Variants in THSD7B observed in about 807,000 individuals in gnomAD.
THSD7B encodes thrombospondin type 1 domain containing 7B.
THSD7B carries 138 observed loss-of-function variants against 213.6 expected under a neutral mutation model. That is an observed-to-expected ratio of 0.65 (90% CI 0.56 to 0.74). THSD7B has a LOEUF of 0.74. THSD7B is among the 30% of genes least tolerant of loss of function. The pLI, the probability that THSD7B is intolerant of heterozygous loss-of-function variation, is 0.00. For missense variants in THSD7B, 1,931 were observed against 1,991.5 expected, an observed-to-expected ratio of 0.97 and a Z score of 0.58; for synonymous variants, 742 against 687.0, an observed-to-expected ratio of 1.08 and a Z score of -1.25.
chr2:136,784,839 T>C (rs536275366), intron 1 of THSD7B, among the ~76,000 whole-genome samples: 1 of 152,318 alleles, frequency 6.6e-6, no homozygotes, highest in African/African-American at 2.4e-5. Context: ...TACTAGCTAC[T>C]ACCAATATTT....
At chr2:137,040,942 C>G (rs1162462125) in intron 2 of THSD7B, among the ~76,000 whole-genome samples, 1 of 152,174 alleles carries the variant, frequency 6.6e-6, no homozygotes, top group Non-Finnish European at 1.5e-5. Context: ...CAAACTAATT[C>G]TCTGAAATCA....
intron 2 of THSD7B, among the ~76,000 whole-genome samples, chr2:137,010,274 T>G (rs1686203852): frequency 6.6e-6 from 1 of 152,230 alleles, no homozygotes; most frequent in Non-Finnish European, 1.5e-5. Context: ...CTACTTCAGT[T>G]ATGTGTGTAT....
chr2:136,807,454 C>A (rs1306542117), intron 1 of THSD7B, among the ~76,000 whole-genome samples: 2 of 147,566 alleles, frequency 1.4e-5, no homozygotes, highest in African/African-American at 2.5e-5. Flanking sequence ...TTTGACATAC[C>A]CTTATCATTT....
At chr2:136,824,511 T>C (rs1682611508) in intron 1 of THSD7B, among the ~76,000 whole-genome samples, 3 of 152,198 alleles carry the variant, frequency 2.0e-5, no homozygotes, top group African/African-American at 7.2e-5. Flanking sequence ...CAAATCATTT[T>C]GTGTGGCTGA....
At chr2:137,301,526 G>A (rs996988307) in intron 12 of THSD7B, among the ~76,000 whole-genome samples, 2 of 152,088 alleles carry the variant, frequency 1.3e-5, no homozygotes, top group Admixed American at 6.5e-5. Context: ...TGAATCAGGA[G>A]AGGAGGACAG....
intron 10 of THSD7B, among the ~76,000 whole-genome samples, chr2:137,271,581 C>T (rs1274191527): frequency 1.3e-5 from 2 of 150,812 alleles, no homozygotes; most frequent in Non-Finnish European, 2.9e-5. Context: ...CATGATCCCT[C>T]TTCGGTTGCC....
At chr2:137,657,820 T>C (rs1267825468) in intron 24 of THSD7B, among the ~76,000 whole-genome samples, 1 of 152,198 alleles carries the variant, frequency 6.6e-6, no homozygotes, top group Non-Finnish European at 1.5e-5. Context: ...GTTTGAGTGA[T>C]TCTCTTGTCT....
At chr2:137,579,187 T>C (rs1379938646) in intron 17 of THSD7B, among the ~76,000 whole-genome samples, 2 of 152,176 alleles carry the variant, frequency 1.3e-5, no homozygotes, top group African/African-American at 2.4e-5. Flanking sequence ...GTGCCCATTG[T>C]AGAGATTTTC....
chr2:137,124,674 T>C (rs1436953918), intron 5 of THSD7B, among the ~76,000 whole-genome samples: 1 of 152,174 alleles, frequency 6.6e-6, no homozygotes, highest in Non-Finnish European at 1.5e-5. Flanking sequence ...GAATATATAA[T>C]TGTAGTTCAT....
chr2:137,423,610 T>C lies in THSD7B; in HGVS notation c.2959+11738T>C, dbSNP rs187845603. ...GAAACTTATTATACTCTGAAAACTT[T>C]ATTTATTATACGCTATAAAACATTG... On this transcript the variant is annotated intron_variant, in intron 14 of 27. Coordinates refer to ENST00000409968, the MANE Select transcript of THSD7B (RefSeq NM_001316349.2). Among the ~76,000 whole-genome samples the C allele has an allele frequency of 2.3e-3, 351 of 152,222 alleles. 1 individual carries two copies. Among genetic ancestry groups the C allele is most frequent in the African/African-American group, 7.6e-3 (316 of 41,558 alleles).
chr2:136,849,622 C>A (rs1683064526), intron 1 of THSD7B, among the ~76,000 whole-genome samples: 1 of 152,046 alleles, frequency 6.6e-6, no homozygotes, highest in South Asian at 2.1e-4. Flanking sequence ...TGATATATAT[C>A]CATTAGTGCA....
rs376113321 is a variant in THSD7B, at chr2:137,056,412, G to A, written c.140-8G>A. 6.3e-7 allele frequency: 1 copy of A among 1,595,636 alleles called. No homozygotes were observed. Among genetic ancestry groups the A allele is most frequent in the African/African-American group, 1.3e-5 (1 of 74,238 alleles). ...GAGTAATTAACATCCTTGTTTTTCT[G>A]CCTGTAGGTCCGTGGGGAAGGTGTA... is the stretch of plus-strand genomic sequence containing the variant. On this transcript the variant is annotated splice_polypyrimidine_tract_variant and splice_region_variant and intron_variant, in intron 2 of 27. Transcript: ENST00000409968.
chr2:137,286,522 C>G lies in THSD7B; in HGVS notation c.2500+10496C>G, dbSNP rs1008114313. Among the ~76,000 whole-genome samples, 4 of 152,120 alleles carry G rather than the reference C, an allele frequency of 2.6e-5. No homozygotes were observed. In the South Asian group the frequency reaches 6.3e-4, roughly 24 times the overall value. On this transcript the variant is annotated intron_variant, in intron 12 of 27. Transcript: ENST00000409968. ...ACTTTCATTCTCCGAATGGAAGACA[C>G]CATAGTCACTTAACGTTTGAGCTGC...
intron 2 of THSD7B, among the ~76,000 whole-genome samples, chr2:137,014,285 C>T (rs1686292350): frequency 6.6e-6 from 1 of 152,216 alleles, no homozygotes; most frequent in Non-Finnish European, 1.5e-5. Flanking sequence ...TCTGCAACTA[C>T]TCACATGGTT....
chr2:137,001,228 T>C (rs1685992346), intron 2 of THSD7B, among the ~76,000 whole-genome samples: 1 of 152,128 alleles, frequency 6.6e-6, no homozygotes, highest in Admixed American at 6.6e-5. Context: ...ACTGATGAGT[T>C]TTCTTTGCCC....
At chr2:137,528,302 A>ACTT (rs1680317629) in intron 15 of THSD7B, among the ~76,000 whole-genome samples, 1 of 151,972 alleles carries the variant, frequency 6.6e-6, no homozygotes. Context: ...TTTAATTTCC[A>ACTT]CTTCTATCAT....
chr2:137,085,786 T>G (rs910371224), intron 3 of THSD7B, among the ~76,000 whole-genome samples: 2 of 152,038 alleles, frequency 1.3e-5, no homozygotes, highest in Non-Finnish European at 2.9e-5. Context: ...GCATTGGGAT[T>G]GAGGAAAAAA....
chr2:136,987,151 C>T (rs566980084), intron 2 of THSD7B, among the ~76,000 whole-genome samples: 2 of 152,210 alleles, frequency 1.3e-5, no homozygotes, highest in Admixed American at 6.5e-5. Flanking sequence ...TTCAATATGT[C>T]GCATATCTAG....
At chr2:137,582,509 G>A (rs1681604552) in intron 17 of THSD7B, among the ~76,000 whole-genome samples, 3 of 98,866 alleles carry the variant, frequency 3.0e-5, no homozygotes, top group Admixed American at 3.1e-4. Flanking sequence ...CCCAAGACAG[G>A]CCCTGGTATG....
Sources: allele counts gnomAD v4.1 joint callset (sites outside exome capture counted in the v4.1 genomes callset), GRCh38; gene constraint gnomAD v4.1.1; transcripts MANE v1.5; gene names NCBI Gene and HGNC (gene_info 2026-07-23, HGNC 2026-07-21).